EFHC1: variants seen among roughly 807,000 people sequenced by gnomAD.
EFHC1 encodes the protein EF-hand domain containing 1, also known as EF-hand domain-containing protein 1.
In EFHC1, 53 loss-of-function variants were observed where a neutral mutation model predicts 69.9. That is an observed-to-expected ratio of 0.76 (90% confidence interval 0.61 to 0.95). EFHC1 has a LOEUF of 0.95. Among genes scored for constraint, EFHC1 ranks in the 40% least tolerant of loss-of-function variants. The pLI, the probability that EFHC1 is intolerant of heterozygous loss-of-function variation, is 0.00. For missense variants in EFHC1, 739 were observed against 798.7 expected (o/e 0.93, Z 0.90); for synonymous variants, 256 against 278.4 (o/e 0.92, Z 0.80).
At chr6:52,471,718 A>G (rs140863774) in intron 7 of EFHC1, among the ~76,000 whole-genome samples, 5,854 of 152,036 alleles carry the variant, frequency 0.039, 155 homozygotes, top group Non-Finnish European at 0.057. Flanking sequence ...AAATACAAAA[A>G]TTAGCCAGGC....
chr6:52,480,193 G>T lies in EFHC1; in HGVS notation c.1640+406G>T, dbSNP rs1765644874. ...TATTCTTACAATACGGTAAGCTAGA[G>T]AAAATTAAGAAAATAATAAGAAAGA... is the stretch of plus-strand genomic sequence containing the variant. On this transcript the variant is annotated intron_variant, in intron 9 of 10. Coordinates refer to ENST00000371068, the MANE Select transcript of EFHC1 (RefSeq NM_018100.4). The T allele has an allele frequency of 1.7e-5, 5 of 293,958 alleles. No homozygotes were observed. In the South Asian group the frequency reaches 2.0e-4, roughly 12 times the overall value. 18.2% of individuals were successfully genotyped at this position (293,958 alleles called of 1,614,324 possible).
At chr6:52,491,852 C>T (rs966963996) in intron 10 of EFHC1, among the ~76,000 whole-genome samples, 1 of 152,214 alleles carries the variant, frequency 6.6e-6, no homozygotes, top group Non-Finnish European at 1.5e-5. Flanking sequence ...TAACAGGCTT[C>T]AGATGTGTCT....
chr6:52,449,514 G>T (rs1199570774), intron 3 of EFHC1, among the ~76,000 whole-genome samples: 1 of 152,084 alleles, frequency 6.6e-6, no homozygotes, highest in Non-Finnish European at 1.5e-5. Context: ...CTTGTTATCA[G>T]TCTGTTCAGG....
At position 52,438,303 on chromosome 6, in the gene EFHC1, G is replaced by A. The variant is rs1351442830; in HGVS notation, c.286-1G>A. The A allele has an allele frequency of 3.1e-6, 5 of 1,612,098 alleles. No individual in the cohort carries two copies. In the Admixed American group the frequency reaches 8.4e-5, roughly 27 times the overall value. Reference sequence around the variant, plus strand: ...ATTTCTCCTTTCCTTGTATGTTATAGGTACTGAAATTTGATGCCTATTTCC... The same window carrying A: ...ATTTCTCCTTTCCTTGTATGTTATAAGTACTGAAATTTGATGCCTATTTCC... On this transcript the variant is annotated splice_acceptor_variant, in intron 2 of 10. Coordinates refer to ENST00000371068, the MANE Select transcript of EFHC1 (RefSeq NM_018100.4). LOFTEE classifies it high-confidence loss of function.
chr6:52,465,431 G>T (rs1765281741), intron 6 of EFHC1, among the ~76,000 whole-genome samples: 1 of 152,074 alleles, frequency 6.6e-6, no homozygotes, highest in South Asian at 2.1e-4. Context: ...GCCAGTCAGA[G>T]TAAACTTTCT....
chr6:52,427,427 T>C (rs1204782027), intron 2 of EFHC1, among the ~76,000 whole-genome samples: 1 of 152,172 alleles, frequency 6.6e-6, no homozygotes, highest in African/African-American at 2.4e-5. Context: ...GTACATGGCA[T>C]TTCTCCTATC....
intron 5 of EFHC1, among the ~76,000 whole-genome samples, chr6:52,463,499 T>C (rs1280812743): frequency 6.6e-6 from 1 of 152,160 alleles, no homozygotes; most frequent in African/African-American, 2.4e-5. Context: ...ATTCTAAGCT[T>C]AACACAAACC....
chr6:52,433,879 T>C (rs1179856052), intron 2 of EFHC1, among the ~76,000 whole-genome samples: 3 of 151,996 alleles, frequency 2.0e-5, no homozygotes, highest in African/African-American at 7.3e-5. Context: ...GGGGTGAGGG[T>C]CTGAGGTCAA....
intron 2 of EFHC1, among the ~76,000 whole-genome samples, chr6:52,428,800 C>G (rs553864871): frequency 3.9e-5 from 6 of 152,244 alleles, no homozygotes; most frequent in African/African-American, 1.4e-4. Context: ...AGTGGTTGTA[C>G]TAGTTTACAT....
intron 4 of EFHC1, chr6:52,453,878 A>G (rs1460051351): frequency 7.2e-7 from 1 of 1,391,726 alleles, no homozygotes; most frequent in Admixed American, 2.1e-5. Context: ...TTATAATCCT[A>G]TTATTTAATT....
intron 2 of EFHC1, among the ~76,000 whole-genome samples, chr6:52,435,425 G>T (rs1392678795): frequency 6.6e-5 from 10 of 152,122 alleles, no homozygotes; most frequent in African/African-American, 2.2e-4. Flanking sequence ...TATACAACTT[G>T]TGCTGTCACT....
Position 52,494,014 on chromosome 6 carries a change from G to A in EFHC1, c.*1673G>A. On this transcript the variant is annotated 3_prime_UTR_variant, in exon 11 of 11. Transcript: ENST00000371068. ...TTATGTTGATTCCTTTTCTGTTCCA[G>A]GTTATTATCTTGGGAATAACCCATG... is the stretch of plus-strand genomic sequence containing the variant. 2 of 454,042 alleles carry A rather than the reference G, an allele frequency of 4.4e-6. No individual in the cohort carries two copies. The highest frequency in any genetic ancestry group is 8.8e-6 in the Non-Finnish European group (2 of 226,772). The allele number at this position is 454,042 out of a possible 1,614,324, so 28.1% of individuals were successfully genotyped here.
intron 2 of EFHC1, among the ~76,000 whole-genome samples, chr6:52,436,036 A>G (rs931293527): frequency 6.6e-6 from 1 of 152,154 alleles, no homozygotes; most frequent in African/African-American, 2.4e-5. Flanking sequence ...TTCCTCCTTT[A>G]TAAAATAAGT....
intron 7 of EFHC1, among the ~76,000 whole-genome samples, chr6:52,476,496 T>A (rs1765548707): frequency 6.6e-6 from 1 of 152,196 alleles, no homozygotes. Context: ...CCAAGATGTT[T>A]TGTAATTGCA....
chr6:52,469,267 T>C (rs1765380692), intron 6 of EFHC1, 66 bp from the exon 7 acceptor site: 1 of 1,593,156 alleles, frequency 6.3e-7, no homozygotes, highest in African/African-American at 1.3e-5. Context: ...AAACTTATAG[T>C]TACCTTTAAT....
At chr6:52,470,170 A>G (rs1299727375) in intron 7 of EFHC1, among the ~76,000 whole-genome samples, 1 of 152,198 alleles carries the variant, frequency 6.6e-6, no homozygotes, top group Admixed American at 6.5e-5. Context: ...CAAACTATAT[A>G]CATGTATTTG....
intron 3 of EFHC1, among the ~76,000 whole-genome samples, chr6:52,451,119 G>A (rs1319322114): frequency 6.6e-6 from 1 of 152,114 alleles, no homozygotes; most frequent in African/African-American, 2.4e-5. Context: ...TTTAAATGGG[G>A]CCTTTAGCCC....
chr6:52,452,742 G>C lies in EFHC1; in HGVS notation c.628G>C (p.Asp210His). The change falls in exon 4 of 11, where the codon GAT (aspartate) becomes CAT (histidine). Residue 210 changes from aspartate (D) to histidine (H), a missense_variant. By Grantham distance (81) the Asp-to-His change is moderately conservative (BLOSUM62 -1). Coordinates refer to ENST00000371068, the MANE Select transcript of EFHC1 (RefSeq NM_018100.4). ...AAATCCACCAGAGAAGATGGCTCTTGATCCTTACACTGAACTCCGAAAACA... is the reference window on the plus strand; with the variant it reads ...AAATCCACCAGAGAAGATGGCTCTTCATCCTTACACTGAACTCCGAAAACA... Reference protein sequence around the residue: ...ELNPPEKMALDPYTELRKQPL... With the variant: ...ELNPPEKMALHPYTELRKQPL... 1 of 1,614,176 alleles carries C rather than the reference G, an allele frequency of 6.2e-7. No individual in the cohort carries two copies. The highest frequency in any genetic ancestry group is 8.5e-7 in the Non-Finnish European group (1 of 1,180,032).
chr6:52,491,300 A>C (rs564457723), intron 10 of EFHC1, among the ~76,000 whole-genome samples: 5 of 152,204 alleles, frequency 3.3e-5, no homozygotes, highest in Non-Finnish European at 7.3e-5. Context: ...GAGGGATGGC[A>C]GTCATTGGCA....
Sources: allele counts gnomAD v4.1 joint callset (sites outside exome capture counted in the v4.1 genomes callset), GRCh38; gene constraint gnomAD v4.1.1; transcripts MANE v1.5; gene names NCBI Gene and HGNC (gene_info 2026-07-23, HGNC 2026-07-21).